The following SYTL3 variants were observed in gnomAD, a reference collection of about 807,000 sequenced individuals.
The protein encoded by SYTL3 is synaptotagmin-like protein 3.
In SYTL3, 88 loss-of-function variants were observed where a neutral mutation model predicts 82.1. The observed-to-expected ratio is 1.07, with a 90% CI of 0.90 to 1.28. SYTL3 has a LOEUF of 1.28. SYTL3 is among the 50% of genes most tolerant of loss of function. The probability of loss-of-function intolerance (pLI) is 0.00; values close to 1 mark genes in which losing one functional copy is unlikely to be tolerated. For missense variants in SYTL3, 831 were observed against 757.6 expected (o/e 1.10, Z -1.14); for synonymous variants, 311 against 289.4 (o/e 1.07, Z -0.76).
At chr6:158,701,412 C>T (rs1452111637) in intron 6 of SYTL3, among the ~76,000 whole-genome samples, 1 of 142,552 alleles carries the variant, frequency 7.0e-6, no homozygotes, top group Non-Finnish European at 1.5e-5. Context: ...GAAGGGCTGT[C>T]TGGGGGAGGA....
intron 2 of SYTL3, among the ~76,000 whole-genome samples, chr6:158,654,821 G>C (rs988217627): frequency 3.9e-5 from 6 of 152,184 alleles, no homozygotes; most frequent in African/African-American, 1.4e-4. Flanking sequence ...TGAGTGTCGG[G>C]GGGGCTTCTC....
chr6:158,713,754 A>G, intron 8 of SYTL3, 46 bp from the exon 9 acceptor site: 1 of 1,408,708 alleles, frequency 7.1e-7, no homozygotes, highest in Middle Eastern at 1.7e-4. Flanking sequence ...GGCAAACACA[A>G]GTCATCAAGC....
chr6:158,719,614 G>A (rs909225718), intron 10 of SYTL3, among the ~76,000 whole-genome samples: 9 of 152,148 alleles, frequency 5.9e-5, no homozygotes, highest in Non-Finnish European at 1.0e-4. Flanking sequence ...TCAGCTTCCC[G>A]GGGTCTACAG....
At chr6:158,683,377 C>G (rs921258881) in intron 6 of SYTL3, among the ~76,000 whole-genome samples, 1 of 152,116 alleles carries the variant, frequency 6.6e-6, no homozygotes, top group Non-Finnish European at 1.5e-5. Flanking sequence ...CGTGCCACCA[C>G]AGTCGGCTAA....
intron 11 of SYTL3, among the ~76,000 whole-genome samples, chr6:158,737,909 G>A (rs1213480410): frequency 2.0e-5 from 3 of 152,198 alleles, no homozygotes; most frequent in Non-Finnish European, 2.9e-5. Context: ...AGGAGCCCTG[G>A]TCCACTTTCA....
At chr6:158,662,008 A>G (rs966182564) in intron 3 of SYTL3, among the ~76,000 whole-genome samples, 1 of 152,218 alleles carries the variant, frequency 6.6e-6, no homozygotes, top group African/African-American at 2.4e-5. Context: ...TCACCAGACT[A>G]CCAAAGATTA....
At chr6:158,668,478 C>G (rs1189331982) in intron 5 of SYTL3, among the ~76,000 whole-genome samples, 5 of 152,204 alleles carry the variant, frequency 3.3e-5, no homozygotes, top group Non-Finnish European at 5.9e-5. Flanking sequence ...ATCCACCTGC[C>G]TGGGCTTCCC....
intron 5 of SYTL3, among the ~76,000 whole-genome samples, chr6:158,681,427 A>G (rs1333384438): frequency 6.6e-6 from 1 of 152,076 alleles, no homozygotes; most frequent in Non-Finnish European, 1.5e-5. Context: ...CTCCTTTCCC[A>G]TGATTCACAA....
chr6:158,758,596 T>C (rs1040313248), intron 14 of SYTL3, among the ~76,000 whole-genome samples: 8 of 152,194 alleles, frequency 5.3e-5, no homozygotes, highest in African/African-American at 1.9e-4. Flanking sequence ...TATCTCTGCC[T>C]GGAAGCTTCT....
intron 5 of SYTL3, among the ~76,000 whole-genome samples, chr6:158,674,884 C>A (rs747382606): frequency 4.0e-5 from 6 of 151,680 alleles, no homozygotes; most frequent in African/African-American, 1.2e-4. Context: ...TAAGCAAGTT[C>A]CCACCCCTCC....
At chr6:158,762,002 T>G in intron 15 of SYTL3, 74 bp from the exon 16 acceptor site, 17 of 1,038,392 alleles carry the variant, frequency 1.6e-5, no homozygotes, top group Non-Finnish European at 2.1e-5. Flanking sequence ...GAGCTCTCGG[T>G]TTTGGGGTGG....
At chr6:158,671,758 TTTAAA>T (rs1777411401) in intron 5 of SYTL3, among the ~76,000 whole-genome samples, 1 of 151,622 alleles carries the variant, frequency 6.6e-6, no homozygotes, top group Admixed American at 6.6e-5. Flanking sequence ...AAGATAATTA[TTTAAA>T]TTATTTAGCC....
chr6:158,746,658 G>T (rs930937156), intron 12 of SYTL3, among the ~76,000 whole-genome samples: 1 of 151,714 alleles, frequency 6.6e-6, no homozygotes, highest in Non-Finnish European at 1.5e-5. Context: ...TAGAGACGGG[G>T]TTTCACCATA....
chr6:158,710,311 T>C (rs1448192610), intron 8 of SYTL3, among the ~76,000 whole-genome samples: 2 of 152,302 alleles, frequency 1.3e-5, no homozygotes, highest in East Asian at 3.9e-4. Flanking sequence ...TTTCAAACAG[T>C]CATTTGATGA....
Position 158,665,494 on chromosome 6 carries a change from G to A in SYTL3, c.210G>A (p.Leu70=). The change falls in exon 5 of 18, where the codon CTG becomes CTA. Residue 70 remains leucine (L), a synonymous_variant. Transcript: ENST00000611299. ...EKCCARCQQV[L]GFLLHRGAVC... ...GCTGTGCGCGCTGCCAGCAGGTGCT[G>A]GGGTTCCTGCTGCACCGGGGCGCCG... 6.2e-7 allele frequency: 1 copy of A among 1,604,092 alleles called. No homozygotes were observed. Among genetic ancestry groups the A allele is most frequent in the Non-Finnish European group, 8.5e-7 (1 of 1,175,572 alleles).
chr6:158,764,406 C>T (rs1790484339), intron 17 of SYTL3, 89 bp from the exon 18 acceptor site: 2 of 1,004,526 alleles, frequency 2.0e-6, no homozygotes, highest in Non-Finnish European at 3.0e-6. Flanking sequence ...AGGTGAAAAA[C>T]TTCTGGCTGG....
At chr6:158,726,217 C>T (rs1406004744) in intron 11 of SYTL3, 3 of 435,796 alleles carry the variant, frequency 6.9e-6, no homozygotes, top group Non-Finnish European at 1.3e-5. Flanking sequence ...ATCCCTACAC[C>T]ATCTGTCAAA....
At chr6:158,701,243 G>C (rs1216613372) in intron 6 of SYTL3, among the ~76,000 whole-genome samples, 1 of 17,974 alleles carries the variant, frequency 5.6e-5, no homozygotes, top group Admixed American at 3.5e-4. Context: ...CTGGGGTGTA[G>C]ATGAAGGAGT....
At chr6:158,696,608 T>G (rs1355091086) in intron 6 of SYTL3, among the ~76,000 whole-genome samples, 2 of 152,108 alleles carry the variant, frequency 1.3e-5, no homozygotes, top group East Asian at 3.9e-4. Context: ...TCCCTAATAA[T>G]TAGTGATGTT....
Sources: gnomAD v4.1 joint callset for allele counts (sites outside exome capture counted in the v4.1 genomes callset) on GRCh38, gnomAD v4.1.1 for gene constraint, MANE v1.5 for transcripts, NCBI Gene and HGNC (gene_info 2026-07-23, HGNC 2026-07-21) for gene names.